Variants in ANXA13 observed in about 807,000 individuals in gnomAD.
ANXA13 encodes annexin XIII.
A neutral mutation model predicts 46.6 loss-of-function variants in ANXA13; 36 were observed. The ratio of observed to expected loss-of-function variants is 0.77; its 90% confidence interval spans 0.59 to 1.02. ANXA13 has a LOEUF of 1.02. ANXA13 is among the 50% of genes least tolerant of loss of function. The pLI is 0.00. For missense variants in ANXA13, 417 were observed against 396.5 expected (o/e 1.05, Z -0.44); for synonymous variants, 163 against 152.9 (o/e 1.07, Z -0.49).
chr8:123,701,136 G>A (rs980076685), intron 3 of ANXA13, among the ~76,000 whole-genome samples: 7 of 152,070 alleles, frequency 4.6e-5, no homozygotes, highest in African/African-American at 7.2e-5. Flanking sequence ...TAGGGTGAAT[G>A]TGTCTTGGGA....
intron 9 of ANXA13, among the ~76,000 whole-genome samples, chr8:123,688,354 G>A (rs945245321): frequency 2.0e-5 from 3 of 152,156 alleles, no homozygotes; most frequent in Non-Finnish European, 4.4e-5. Context: ...TGATTGTGAG[G>A]CCTCCCCAGG....
At chr8:123,696,390 C>T (rs978405818) in intron 4 of ANXA13, among the ~76,000 whole-genome samples, 2 of 152,208 alleles carry the variant, frequency 1.3e-5, no homozygotes, top group Non-Finnish European at 2.9e-5. Flanking sequence ...AACAAGGCTT[C>T]GTTCAGTAAC....
intron 1 of ANXA13, among the ~76,000 whole-genome samples, chr8:123,726,366 C>T (rs1279475043): frequency 1.3e-5 from 2 of 152,202 alleles, no homozygotes; most frequent in Admixed American, 6.5e-5. Flanking sequence ...GACTTGAAGG[C>T]CCTTCAATAT....
chr8:123,726,974 G>A (rs1814011800), intron 1 of ANXA13, among the ~76,000 whole-genome samples: 1 of 152,156 alleles, frequency 6.6e-6, no homozygotes, highest in Non-Finnish European at 1.5e-5. Flanking sequence ...AACATCATAT[G>A]TTCTCACTCA....
Position 123,712,461 on chromosome 8 carries a change from C to A in ANXA13, c.91+217G>T. The A allele has an allele frequency of 5.2e-6, 3 of 576,882 alleles. 1 individual carries two copies. In the South Asian group the frequency reaches 6.2e-5, roughly 12 times the overall value. The allele number at this position is 576,882 out of a possible 1,614,324, so 35.7% of individuals were successfully genotyped here. On this transcript the variant is annotated intron_variant, in intron 2 of 10. Transcript: ENST00000419625. ...AAGTTCAAATTAAACGTCACAATAT[C>A]CAACTCCTAGCTGTTATATAGAATC...
In ANXA13 at chr8:123,693,219, G is replaced by A. The variant is rs767865683; in HGVS notation, c.620C>T (p.Ala207Val). ...LAKRSYKQLR[A>V]TFQAYQILIG... is the part of the protein sequence containing the mutation. ...TACAATTTGATAGGCTTGAAAGGTG[G>A]CTCGTAACTGCTTGTAGCTCCTCTT... Residue 207 changes from alanine to valine, a missense_variant, in exon 8 of 11, where the codon GCC (alanine) becomes GTC (valine). Physicochemically the swap from Ala to Val is moderately conservative, Grantham distance 64 (BLOSUM62 0). Coordinates refer to ENST00000419625, the MANE Select transcript of ANXA13 (RefSeq NM_004306.4). 11 of 1,613,994 alleles carry A rather than the reference G, an allele frequency of 6.8e-6. No individual in the cohort carries two copies. In the South Asian group the frequency reaches 7.7e-5, roughly 11 times the overall value.
At chr8:123,681,619 CTT>C (rs5894670) in intron 10 of ANXA13, among the ~76,000 whole-genome samples, 112 of 106,994 alleles carry the variant, frequency 1.0e-3, no homozygotes, top group Middle Eastern at 5.1e-3. Context: ...TCTTGAATTT[CTT>C]TTTTTTTTTT....
chr8:123,714,614 G>A (rs1813727919), intron 1 of ANXA13, among the ~76,000 whole-genome samples: 1 of 152,224 alleles, frequency 6.6e-6, no homozygotes, highest in Non-Finnish European at 1.5e-5. Context: ...GCTAACATCT[G>A]TGGGCTGAAG....
chr8:123,723,969 G>T (rs1813934840), intron 1 of ANXA13, among the ~76,000 whole-genome samples: 1 of 152,130 alleles, frequency 6.6e-6, no homozygotes, highest in Non-Finnish European at 1.5e-5. Context: ...CCTTTTCTTT[G>T]CGTCCTGGTC....
At chr8:123,720,805 A>G (rs889115273) in intron 1 of ANXA13, among the ~76,000 whole-genome samples, 2 of 150,476 alleles carry the variant, frequency 1.3e-5, no homozygotes, top group African/African-American at 4.9e-5. Flanking sequence ...CTGGTCTTGA[A>G]CTCCTGGGCT....
At chr8:123,733,613 A>C (rs562602699) in intron 1 of ANXA13, among the ~76,000 whole-genome samples, 55 of 152,366 alleles carry the variant, frequency 3.6e-4, no homozygotes, top group African/African-American at 1.2e-3. Context: ...AGACCACTGA[A>C]CAGATGTTCT....
rs143941105 is a variant in ANXA13 at position 123,718,946 on chromosome 8, G to A, written c.16-6193C>T. ...GAAGAACCAGAATGGAAAAACAGAC[G>A]CCTGATCAAATGCCTTCTGTCCCAG... On this transcript the variant is annotated intron_variant, in intron 1 of 10. Transcript: ENST00000419625. 1.1e-4 allele frequency among the ~76,000 whole-genome samples: 17 copies of A among 152,300 alleles called. No individual in the cohort carries two copies. The East Asian group carries it at 1.5e-3, about 14-fold the overall frequency.
intron 2 of ANXA13, among the ~76,000 whole-genome samples, chr8:123,709,788 C>T (rs1418534429): frequency 6.6e-6 from 1 of 152,184 alleles, no homozygotes; most frequent in Non-Finnish European, 1.5e-5. Context: ...GATGGTGTCT[C>T]TCTTTGTCAC....
At chr8:123,719,914 T>C (rs958882238) in intron 1 of ANXA13, among the ~76,000 whole-genome samples, 1 of 152,140 alleles carries the variant, frequency 6.6e-6, no homozygotes. Flanking sequence ...TGGTGTGCGG[T>C]GTAGATGCAT....
chr8:123,735,798 A>G, intron 1 of ANXA13: 2 of 1,612,842 alleles, frequency 1.2e-6, no homozygotes, highest in Non-Finnish European at 1.7e-6. Flanking sequence ...TGGGTGGCTG[A>G]GAGGCTGCAC....
At chr8:123,709,564 C>T (rs1813615075) in intron 2 of ANXA13, among the ~76,000 whole-genome samples, 2 of 152,102 alleles carry the variant, frequency 1.3e-5, no homozygotes. Context: ...TGGCAATGAC[C>T]TTGAGCAGTA....
intron 1 of ANXA13, among the ~76,000 whole-genome samples, chr8:123,722,526 G>A (rs1308895269): frequency 6.6e-6 from 1 of 152,168 alleles, no homozygotes; most frequent in Non-Finnish European, 1.5e-5. Flanking sequence ...TCTCGATGAT[G>A]AGAAAATAGA....
Position 123,687,109 on chromosome 8 carries a change from A to G in ANXA13, c.718+1762T>C, listed in dbSNP as rs1479987007. Among the ~76,000 whole-genome samples the G allele has an allele frequency of 6.6e-5, 10 of 152,280 alleles. No individual in the cohort carries two copies. The East Asian group carries it at 1.9e-3, about 29-fold the overall frequency. Reference sequence around the variant, plus strand: ...CATGAGCTTTAGGCTCCTTAAGAGCAAGAACTGGCCTTATTTACCTCTTAT... The same window carrying G: ...CATGAGCTTTAGGCTCCTTAAGAGCGAGAACTGGCCTTATTTACCTCTTAT... On this transcript the variant is annotated intron_variant, in intron 9 of 10. Transcript: ENST00000419625.
intron 2 of ANXA13, among the ~76,000 whole-genome samples, chr8:123,710,839 C>T (rs1280458323): frequency 6.6e-6 from 1 of 152,110 alleles, no homozygotes; most frequent in African/African-American, 2.4e-5. Context: ...TAGTCCAATG[C>T]CTGAAAGTTT....
Sources: allele counts gnomAD v4.1 joint callset (sites outside exome capture counted in the v4.1 genomes callset), GRCh38; gene constraint gnomAD v4.1.1; transcripts MANE v1.5; gene names NCBI Gene and HGNC (gene_info 2026-07-23, HGNC 2026-07-21).